Variants in EVL observed in about 807,000 individuals in gnomAD.
EVL encodes the protein ena/VASP-like protein.
In EVL, 21 loss-of-function variants were observed where a neutral mutation model predicts 59.6. That is an observed-to-expected ratio of 0.35 (90% CI 0.25 to 0.51). The LOEUF (loss-of-function observed/expected upper bound fraction) is 0.51, where lower values mean the gene tolerates loss of function less well. Among genes scored for constraint, EVL ranks in the 20% least tolerant of loss-of-function variants. The pLI is 0.97. For missense variants in EVL, 462 were observed against 546.6 expected (o/e 0.85, Z 1.54); for synonymous variants, 198 against 203.5 (o/e 0.97, Z 0.23).
intron 2 of EVL, among the ~76,000 whole-genome samples, chr14:100,095,068 C>A (rs565941481): frequency 2.6e-5 from 4 of 152,200 alleles, no homozygotes; most frequent in Admixed American, 2.0e-4. Flanking sequence ...AAAACAAAAA[C>A]GGTACTAAAA....
intron 1 of EVL, among the ~76,000 whole-genome samples, chr14:100,001,036 A>T (rs2060943140): frequency 6.6e-6 from 1 of 152,152 alleles, no homozygotes; most frequent in Non-Finnish European, 1.5e-5. Flanking sequence ...TCCTATGAAG[A>T]GAAAATAGGG....
At chr14:100,094,780 G>A (rs77114436) in intron 2 of EVL, among the ~76,000 whole-genome samples, 4,544 of 150,886 alleles carry the variant, frequency 0.03, 105 homozygotes, top group Non-Finnish European at 0.047. Flanking sequence ...GGTGGCTCAC[G>A]CCTGTAATCT....
At position 100,103,556 on chromosome 14, in the gene EVL, G is replaced by T. The variant is rs1423524450; in HGVS notation, c.358+5898G>T. The stretch of plus-strand genomic sequence containing the variant: ...TTTCCTCTTCATTTTGCCTGCTCAT[G>T]TACTGATCTTTCCTCTCCTACTGGG... On this transcript the variant is annotated intron_variant, in intron 3 of 13. Coordinates refer to ENST00000392920, the MANE Select transcript of EVL (RefSeq NM_016337.3). 2.0e-5 allele frequency among the ~76,000 whole-genome samples: 3 copies of T among 152,092 alleles called. No homozygotes were observed. The East Asian group carries it at 5.8e-4, about 29-fold the overall frequency.
At chr14:100,103,256 G>A (rs1456713716) in intron 3 of EVL, among the ~76,000 whole-genome samples, 1 of 151,284 alleles carries the variant, frequency 6.6e-6, no homozygotes, top group Non-Finnish European at 1.5e-5. Context: ...TTTCAGATGA[G>A]CTTGTGTTTT....
chr14:99,980,821 A>G (rs1202922076), intron 1 of EVL, among the ~76,000 whole-genome samples: 2 of 152,352 alleles, frequency 1.3e-5, no homozygotes, highest in Middle Eastern at 3.4e-3. Flanking sequence ...TTTGAGCGGC[A>G]TCATTGATTA....
At chr14:100,060,317 G>C (rs1337368471) in intron 1 of EVL, among the ~76,000 whole-genome samples, 2 of 151,674 alleles carry the variant, frequency 1.3e-5, no homozygotes, top group African/African-American at 2.4e-5. Flanking sequence ...TGTAGTCCCA[G>C]CTACGCGGGA....
chr14:100,038,945 G>A (rs866909503), intron 1 of EVL, among the ~76,000 whole-genome samples: 10 of 152,152 alleles, frequency 6.6e-5, no homozygotes, highest in Admixed American at 6.5e-4. Context: ...AATTCCTCAA[G>A]AGTGGGGACT....
chr14:100,103,878 C>T (rs1254274151), intron 3 of EVL, among the ~76,000 whole-genome samples: 2 of 152,304 alleles, frequency 1.3e-5, no homozygotes, highest in South Asian at 2.1e-4. Context: ...GAGGTATGTG[C>T]TTTTCTCTGC....
upstream of EVL, among the ~76,000 whole-genome samples, chr14:100,062,521 G>A (rs1002941396): frequency 3.9e-5 from 6 of 152,020 alleles, no homozygotes; most frequent in African/African-American, 9.6e-5. Context: ...TACAGGAAAC[G>A]AAGAACAGAG....
rs1887226174 is a variant in EVL, at chr14:100,114,790, C to A, written c.359-8749C>A. Among the ~76,000 whole-genome samples, 1 of 152,190 alleles carries A rather than the reference C, an allele frequency of 6.6e-6. No individual in the cohort carries two copies. Among genetic ancestry groups the A allele is most frequent in the South Asian group, 2.1e-4 (1 of 4,834 alleles). ...GGGCCTCTCCTTTCACTCCCACCTG[C>A]TCCGGGGGTGGGGGTGGGAGTGCTG... On this transcript the variant is annotated intron_variant, in intron 3 of 13. Transcript: ENST00000392920. This position sits in a 1 kb window ranked among gnomAD's most constrained non-coding sequence, Gnocchi z 5.0.
intron 1 of EVL, among the ~76,000 whole-genome samples, chr14:99,987,114 CAATCCT>C (rs1217324908): frequency 1.3e-5 from 2 of 152,116 alleles, no homozygotes; most frequent in East Asian, 3.8e-4. Context: ...AGTGACAAGA[CAATCCT>C]GATAATGGGA....
chr14:100,004,331 T>G (rs774348256), intron 1 of EVL, among the ~76,000 whole-genome samples: 18 of 152,108 alleles, frequency 1.2e-4, no homozygotes, highest in Non-Finnish European at 2.5e-4. Context: ...TTCACACCTT[T>G]AAAAAGGGGA....
At chr14:100,026,792 G>GTATT (rs1315357496) in intron 1 of EVL, among the ~76,000 whole-genome samples, 1 of 152,148 alleles carries the variant, frequency 6.6e-6, no homozygotes, top group Non-Finnish European at 1.5e-5. Flanking sequence ...GCTCTGGGAC[G>GTATT]TATTATTAAA....
intron 1 of EVL, among the ~76,000 whole-genome samples, chr14:100,039,349 G>A (rs961156433): frequency 6.6e-5 from 10 of 152,186 alleles, no homozygotes; most frequent in Non-Finnish European, 1.3e-4. Flanking sequence ...TGATTCTCCT[G>A]CCTCAGCCTC....
Position 100,130,875 on chromosome 14 carries a change from G to A in EVL, c.839+1191G>A, listed in dbSNP as rs1450061761. Among the ~76,000 whole-genome samples, 1 of 152,242 alleles carries A rather than the reference G, an allele frequency of 6.6e-6. No homozygotes were observed. The highest frequency in any genetic ancestry group is 1.5e-5 in the Non-Finnish European group (1 of 68,046). The stretch of plus-strand genomic sequence containing the variant: ...GGGCGTTTGTACATCGCCAAGACAG[G>A]AGGCAGGCTTCTGAGCAGTTTCCTG... On this transcript the variant is annotated intron_variant, in intron 7 of 13. Transcript: ENST00000392920. This position sits in a 1 kb window ranked among gnomAD's most constrained non-coding sequence, Gnocchi z 4.8.
At chr14:99,983,520 C>T (rs576796332) in intron 1 of EVL, among the ~76,000 whole-genome samples, 2 of 152,154 alleles carry the variant, frequency 1.3e-5, no homozygotes, top group Non-Finnish European at 2.9e-5. Context: ...TTTTGGCAGC[C>T]GCCTACACCC....
chr14:100,103,026 C>T (rs555206279), intron 3 of EVL, among the ~76,000 whole-genome samples: 172 of 150,180 alleles, frequency 1.1e-3, no homozygotes, highest in African/African-American at 3.9e-3. Flanking sequence ...CGCTTGAACC[C>T]GGAAGAAAAA....
At chr14:100,132,666 A>G (rs1888508116) in intron 7 of EVL, 53 bp from the exon 8 acceptor site, 2 of 1,589,036 alleles carry the variant, frequency 1.3e-6, no homozygotes, top group South Asian at 1.1e-5. Context: ...GAGTTCTGGG[A>G]CAGTGAGAGA....
intron 1 of EVL, among the ~76,000 whole-genome samples, chr14:100,044,801 A>T (rs1021092018): frequency 6.6e-6 from 1 of 152,144 alleles, no homozygotes; most frequent in Admixed American, 6.5e-5. Flanking sequence ...TGAGCTCCCC[A>T]GTATAGCTTG....
Sources: allele counts gnomAD v4.1 joint callset (sites outside exome capture counted in the v4.1 genomes callset), GRCh38; gene constraint gnomAD v4.1.1; non-coding constraint Gnocchi (gnomAD v3.1); transcripts MANE v1.5; gene names NCBI Gene and HGNC (gene_info 2026-07-23, HGNC 2026-07-21).